The following FOCAD variants were observed in gnomAD, a reference collection of about 807,000 sequenced individuals.
FOCAD encodes KIAA1797.
FOCAD carries 198 observed loss-of-function variants against 225.6 expected under a neutral mutation model. The ratio of observed to expected loss-of-function variants is 0.88; its 90% CI spans 0.78 to 0.99. The LOEUF (loss-of-function observed/expected upper bound fraction) is 0.99. Among genes scored for constraint, FOCAD ranks in the 50% least tolerant of loss-of-function variants. The probability of loss-of-function intolerance (pLI) is 0.00; values close to 1 mark genes in which losing one functional copy is unlikely to be tolerated. For missense variants in FOCAD, 2,713 were observed against 2,123.6 expected, an observed-to-expected ratio of 1.28 and a Z score of -5.46; for synonymous variants, 897 against 755.0, an observed-to-expected ratio of 1.19 and a Z score of -3.08.
Position 20,789,455 on chromosome 9 carries a change from G to T in FOCAD, c.1302G>T (p.Trp434Cys). 2 of 1,613,968 alleles carry T rather than the reference G, an allele frequency of 1.2e-6. No individual in the cohort carries two copies. The highest frequency in any genetic ancestry group is 8.5e-7 in the Non-Finnish European group (1 of 1,179,972). ...VMTDSSAASD[W>C]LASVESLLPI... is the part of the protein sequence containing the mutation. ...CAGACTCGTCTGCTGCAAGTGACTG[G>T]TTGGCTTCAGTAGAGTCATTGCTTC... The change falls in exon 11 of 44, where the codon TGG becomes TGT. Residue 434 changes from tryptophan to cysteine, a missense_variant. Coordinates refer to ENST00000338382, the MANE Select transcript of FOCAD (RefSeq NM_001375567.1).
chr9:20,744,303 G>T (rs528358535), intron 5 of FOCAD, among the ~76,000 whole-genome samples: 52 of 152,162 alleles, frequency 3.4e-4, no homozygotes, highest in Non-Finnish European at 6.5e-4. Context: ...CACGGGATTT[G>T]AATGGAAGTG....
intron 28 of FOCAD, among the ~76,000 whole-genome samples, chr9:20,934,648 T>C (rs1462951285): frequency 6.6e-6 from 1 of 152,178 alleles, no homozygotes; most frequent in Non-Finnish European, 1.5e-5. Flanking sequence ...TGTGGCCTTA[T>C]AGTATAGTTT....
chr9:20,682,559 G>A (rs907285278), upstream of FOCAD, among the ~76,000 whole-genome samples: 3 of 152,214 alleles, frequency 2.0e-5, no homozygotes, highest in Non-Finnish European at 4.4e-5. Context: ...TGTTTACAGA[G>A]TTATGTGTTT....
Position 20,789,579 on chromosome 9 carries a change from A to G in FOCAD, c.1426A>G (p.Thr476Ala), listed in dbSNP as rs1181144037. The change falls in exon 11 of 44, where the codon ACA (threonine) becomes GCA (alanine). Residue 476 changes from threonine (T) to alanine (A), a missense_variant. By Grantham distance (58) the Thr-to-Ala change is moderately conservative. Transcript: ENST00000338382. ...QNLHQILKVTTELAQADSSQV... is the reference protein window; with the variant it reads ...QNLHQILKVTAELAQADSSQV... ...TCTTCACCAAATACTCAAGGTCACT[A>G]CAGAATTAGCCCAAGCAGATTCCTC... The G allele has an allele frequency of 6.2e-7, 1 of 1,613,932 alleles. No individual in the cohort carries two copies. Among genetic ancestry groups the G allele is most frequent in the Non-Finnish European group, 8.5e-7 (1 of 1,179,976 alleles).
intron 21 of FOCAD, among the ~76,000 whole-genome samples, chr9:20,886,553 A>G (rs903603048): frequency 2.8e-4 from 42 of 152,238 alleles, no homozygotes; most frequent in African/African-American, 9.9e-4. Flanking sequence ...CAGTGGCATC[A>G]GAAGTTATGA....
intron 9 of FOCAD, 80 bp from the exon 10 acceptor site, chr9:20,781,647 T>C: frequency 7.8e-7 from 1 of 1,274,838 alleles, no homozygotes; most frequent in Non-Finnish European, 1.1e-6. Context: ...CTTTCTTGCA[T>C]ATCATTCTTA....
At chr9:20,869,215 T>C (rs1200320761) in intron 18 of FOCAD, among the ~76,000 whole-genome samples, 2 of 152,142 alleles carry the variant, frequency 1.3e-5, no homozygotes, top group Admixed American at 6.6e-5. Context: ...CTAAGGGCAA[T>C]TGGTTTACAC....
intron 1 of FOCAD, among the ~76,000 whole-genome samples, chr9:20,707,466 TA>T (rs1824484743): frequency 6.6e-6 from 1 of 152,218 alleles, no homozygotes; most frequent in Non-Finnish European, 1.5e-5. Flanking sequence ...AACCTGTATG[TA>T]ACTTTTTACT....
rs202218833 is a variant in FOCAD, at chr9:20,948,347, T to C, written c.3752T>C (p.Leu1251Ser). Residue 1251 changes from leucine to serine, a missense_variant, in exon 31 of 44, where the codon TTG becomes TCG. Transcript: ENST00000338382. ...TGTGGACATGGAAAAGCTGAAGACTTGGGCAGCAAACTACTCCCTGCCTGG... is the reference window on the plus strand; with the variant it reads ...TGTGGACATGGAAAAGCTGAAGACTCGGGCAGCAAACTACTCCCTGCCTGG... ...SVCGHGKAED[L>S]GSKLLPAWIR... is the part of the protein sequence containing the mutation. 38 of 1,612,756 alleles carry C rather than the reference T, an allele frequency of 2.4e-5. No individual in the cohort carries two copies. In the East Asian group the frequency reaches 8.3e-4, roughly 35 times the overall value.
chr9:20,664,355 A>G (rs1190476897), intron 2 of FOCAD, among the ~76,000 whole-genome samples: 3 of 150,644 alleles, frequency 2.0e-5, no homozygotes, highest in African/African-American at 4.9e-5. Context: ...AAAAAGTAAT[A>G]GTTCAATTAA....
intron 15 of FOCAD, among the ~76,000 whole-genome samples, chr9:20,827,772 T>G (rs927074849): frequency 2.6e-5 from 4 of 152,038 alleles, no homozygotes; most frequent in African/African-American, 9.7e-5. Flanking sequence ...GAGATGTACG[T>G]TAAAGGATAC....
chr9:20,892,963 T>C (rs1564120792), intron 21 of FOCAD, among the ~76,000 whole-genome samples: 1 of 152,060 alleles, frequency 6.6e-6, no homozygotes, highest in Non-Finnish European at 1.5e-5. Context: ...ACAAAAATAT[T>C]AGGAGTTGCC....
rs187801627 is a variant in FOCAD, at chr9:20,858,552, A to G, written c.1921-4026A>G. Among the ~76,000 whole-genome samples, 33 of 152,228 alleles carry G rather than the reference A, an allele frequency of 2.2e-4. 1 individual carries two copies. Among genetic ancestry groups the G allele is most frequent in the Middle Eastern group, 3.4e-3 (1 of 294 alleles). ...TTTTACTCATCTTTTCAAGAAACCA[A>G]CTTTTCATTTCATTAATCTTTTTGT... is the stretch of plus-strand genomic sequence containing the variant. On this transcript the variant is annotated intron_variant, in intron 15 of 43. Transcript: ENST00000338382.
chr9:20,778,555 A>T (rs1452095390), intron 8 of FOCAD, 126 bp from the exon 9 acceptor site: 1 of 575,606 alleles, frequency 1.7e-6, no homozygotes, highest in Non-Finnish European at 3.1e-6. Context: ...CACTTGCTGT[A>T]TAAATAAATT....
intron 35 of FOCAD, among the ~76,000 whole-genome samples, chr9:20,959,721 T>A (rs1375292452): frequency 6.6e-6 from 1 of 152,168 alleles, no homozygotes; most frequent in Non-Finnish European, 1.5e-5. Context: ...GGCGAGAGAT[T>A]GGGGGGTGTA....
intron 20 of FOCAD, among the ~76,000 whole-genome samples, chr9:20,884,789 C>T (rs1202989278): frequency 6.6e-6 from 1 of 151,844 alleles, no homozygotes; most frequent in Non-Finnish European, 1.5e-5. Flanking sequence ...AAGCTGGGCG[C>T]GGTGGCTCAC....
chr9:20,659,101 T>A (rs1821619025), intron 2 of FOCAD, among the ~76,000 whole-genome samples: 1 of 152,092 alleles, frequency 6.6e-6, no homozygotes, highest in Non-Finnish European at 1.5e-5. Context: ...GCGCCTGTAG[T>A]CCCAGCTACT....
chr9:20,973,959 T>C (rs569140608), intron 35 of FOCAD, among the ~76,000 whole-genome samples: 2 of 106,462 alleles, frequency 1.9e-5, no homozygotes, highest in African/African-American at 6.8e-5. Context: ...GTTTCTCCTT[T>C]CTGTAGCTGT....
intron 23 of FOCAD, among the ~76,000 whole-genome samples, chr9:20,913,798 T>G (rs4977807): frequency 0.64 from 97,183 of 151,994 alleles, 31,437 homozygotes; most frequent in African/African-American, 0.73. Context: ...CTATTTGCTC[T>G]TATCTTTTGC....
Sources: gnomAD v4.1 joint callset for allele counts (sites outside exome capture counted in the v4.1 genomes callset) on GRCh38, gnomAD v4.1.1 for gene constraint, MANE v1.5 for transcripts, NCBI Gene and HGNC (gene_info 2026-07-23, HGNC 2026-07-21) for gene names.